ST13: variants seen among roughly 807,000 people sequenced by gnomAD.
ST13 encodes the protein ST13 Hsp70 interacting protein.
ST13 carries 23 observed loss-of-function variants against 56.7 expected under a neutral mutation model. The observed-to-expected ratio is 0.41, with a 90% CI of 0.29 to 0.57. ST13 has a LOEUF of 0.57. ST13 is among the 20% of genes least tolerant of loss of function. The pLI, the probability that ST13 is intolerant of heterozygous loss-of-function variation, is 0.36. For missense variants in ST13, 369 were observed against 459.9 expected (o/e 0.80, Z 1.81); for synonymous variants, 132 against 142.4 (o/e 0.93, Z 0.52).
intron 3 of ST13, among the ~76,000 whole-genome samples, chr22:40,845,913 T>C (rs2057828847): frequency 1.3e-5 from 2 of 152,080 alleles, no homozygotes; most frequent in Non-Finnish European, 2.9e-5. Flanking sequence ...ATGTATATGG[T>C]GTACAATGCG....
In ST13 at chr22:40,835,549, C is replaced by A; in HGVS notation, c.578+11G>T. Reference sequence around the variant, plus strand: ...AAAGAGTTCTGAAAATAATTAAATTCAATTATTTACCTGTGTGCTTTCCCC... The same window carrying A: ...AAAGAGTTCTGAAAATAATTAAATTAAATTATTTACCTGTGTGCTTTCCCC... On this transcript the variant is annotated intron_variant, in intron 7 of 11. Transcript: ENST00000216218. 6.3e-7 allele frequency: 1 copy of A among 1,577,258 alleles called. No homozygotes were observed. Among genetic ancestry groups the A allele is most frequent in the Admixed American group, 1.7e-5 (1 of 59,230 alleles).
At position 40,847,378 on chromosome 22, in the gene ST13, CA is replaced by C. The variant is rs71200623; in HGVS notation, c.244+915del. On this transcript the variant is annotated intron_variant, in intron 3 of 11. Coordinates refer to ENST00000216218, the MANE Select transcript of ST13 (RefSeq NM_003932.5). Reference sequence around the variant, plus strand: ...GCAACATGGCAAAACCCTGTCTCTACAAAAAAAAAAAAATACAAAAATTAGC... The same window carrying C: ...GCAACATGGCAAAACCCTGTCTCTACAAAAAAAAAAAATACAAAAATTAGC... Among the ~76,000 whole-genome samples the C allele has an allele frequency of 1.6e-3, 215 of 130,480 alleles. 2 individuals carry two copies. The highest frequency in any genetic ancestry group is 4.9e-3 in the South Asian group (20 of 4,064). The allele number at this position is 130,480 out of a possible 152,430, so 85.6% of individuals were successfully genotyped here.
At chr22:40,856,193 A>C (rs1239760445) in intron 1 of ST13, among the ~76,000 whole-genome samples, 1 of 152,116 alleles carries the variant, frequency 6.6e-6, no homozygotes. Flanking sequence ...ATTTCGCCCA[A>C]GATACACCCC....
At chr22:40,855,566 T>G (rs1379681549) in intron 1 of ST13, among the ~76,000 whole-genome samples, 1 of 152,190 alleles carries the variant, frequency 6.6e-6, no homozygotes, top group Non-Finnish European at 1.5e-5. Flanking sequence ...AGTTCCCCAT[T>G]AGTAATAATT....
intron 8 of ST13, chr22:40,831,993 C>G (rs951352543): frequency 6.3e-6 from 2 of 318,336 alleles, no homozygotes; most frequent in African/African-American, 2.2e-5. Context: ...GCTGGGACTA[C>G]GTAGGCGCAT....
chr22:40,835,601 A>G lies in ST13; in HGVS notation c.537T>C (p.Pro179=). ...GCCACTTGTAAGGCTGAGCTGAATC[A>G]GGATTTATTTCAATGGCTCTGTCAC... is the stretch of plus-strand genomic sequence containing the variant. ...RDCDRAIEIN[P]DSAQPYKWRG... The change falls in exon 7 of 12, where the codon CCT becomes CCC. Residue 179 remains proline, a synonymous_variant. Coordinates refer to ENST00000216218, the MANE Select transcript of ST13 (RefSeq NM_003932.5). 2 of 1,613,346 alleles carry G rather than the reference A, an allele frequency of 1.2e-6. No individual in the cohort carries two copies. The highest frequency in any genetic ancestry group is 2.2e-5 in the East Asian group (1 of 44,886).
intron 1 of ST13, among the ~76,000 whole-genome samples, chr22:40,851,147 C>T (rs1033403928): frequency 1.3e-5 from 2 of 150,452 alleles, no homozygotes; most frequent in Non-Finnish European, 2.9e-5. Flanking sequence ...CTCTGTGCCT[C>T]TTCCCAGAGG....
chr22:40,831,929 G>A (rs2057755718), intron 8 of ST13, among the ~76,000 whole-genome samples: 1 of 152,112 alleles, frequency 6.6e-6, no homozygotes, highest in African/African-American at 2.4e-5. Context: ...TTGGCTCACT[G>A]CAACCTTCCA....
chr22:40,856,407 A>T lies in ST13; in HGVS notation c.110+24T>A, dbSNP rs779275210. On this transcript the variant is annotated intron_variant, in intron 1 of 11. Transcript: ENST00000216218. ...TGGGGCCGTGCTTCCCCCGCCCCCA[A>T]CGGTCCTCAGGCCTGGGTCTCACCT... 8 of 1,598,510 alleles carry T rather than the reference A, an allele frequency of 5.0e-6. No homozygotes were observed. In the East Asian group the frequency reaches 1.8e-4, roughly 36 times the overall value.
chr22:40,851,763 TG>T (rs1450187220), intron 1 of ST13, among the ~76,000 whole-genome samples: 1 of 151,624 alleles, frequency 6.6e-6, no homozygotes, highest in Admixed American at 6.6e-5. Flanking sequence ...TTTTTTTTTT[TG>T]AGATGGAGTC....
chr22:40,854,132 T>C (rs767284372), intron 1 of ST13, among the ~76,000 whole-genome samples: 1 of 150,446 alleles, frequency 6.6e-6, no homozygotes, highest in Non-Finnish European at 1.5e-5. Flanking sequence ...GAGAAACACA[T>C]GTTTTCAACT....
chr22:40,839,993 AC>A lies in ST13; in HGVS notation c.382+632del, dbSNP rs138545342. Among the ~76,000 whole-genome samples the A allele has an allele frequency of 8.5e-3, 1,287 of 151,564 alleles. 19 individuals carry two copies. The highest frequency in any genetic ancestry group is 0.03 in the African/African-American group (1,248 of 41,348). On this transcript the variant is annotated intron_variant, in intron 5 of 11. Transcript: ENST00000216218. The stretch of plus-strand genomic sequence containing the variant: ...GTGAAACCCCTTCTCTAATAAAAAT[AC>A]AAAAAATTAGCTGGGCATGGTGGTA...
chr22:40,844,549 A>G (rs2057821290), intron 4 of ST13, among the ~76,000 whole-genome samples: 1 of 152,224 alleles, frequency 6.6e-6, no homozygotes. Context: ...GGCATTAGAT[A>G]TTCCATCAAG....
In ST13 at chr22:40,856,622, G is replaced by C. The variant is rs536153975; in HGVS notation, c.-82C>G. 1.5e-4 allele frequency: 170 copies of C among 1,121,712 alleles called. No individual in the cohort carries two copies. Among genetic ancestry groups the C allele is most frequent in the Non-Finnish European group, 1.7e-4 (130 of 745,282 alleles). The allele number at this position is 1,121,712 out of a possible 1,614,324, so 69.5% of individuals were successfully genotyped here. ...GCTGGCTCGGCGTGACCGCGCAGAA[G>C]GGGGCGGCTGCCGCAAGACAGAACA... On this transcript the variant is annotated 5_prime_UTR_variant, in exon 1 of 12. Transcript: ENST00000216218.
chr22:40,849,234 T>G (rs2057848552), intron 2 of ST13, among the ~76,000 whole-genome samples: 1 of 152,028 alleles, frequency 6.6e-6, no homozygotes, highest in African/African-American at 2.4e-5. Flanking sequence ...TTCCAGCACT[T>G]TGGGAGTCCG....
chr22:40,849,789 G>A (rs1052104207), intron 2 of ST13, among the ~76,000 whole-genome samples: 1 of 151,532 alleles, frequency 6.6e-6, no homozygotes, highest in African/African-American at 2.4e-5. Flanking sequence ...TTACCTTTTC[G>A]CATTCTCCTT....
At chr22:40,835,377 C>CTT in intron 7 of ST13, 183 bp downstream of exon 7, 7 of 432,802 alleles carry the variant, frequency 1.6e-5, no homozygotes, top group Non-Finnish European at 1.7e-5. Flanking sequence ...TTTTAAATTT[C>CTT]TTTTTTTTTT....
rs949573258 is a variant in ST13, at chr22:40,825,501, A to G, written c.*1037T>C. 2 of 152,218 alleles carry G rather than the reference A, an allele frequency of 1.3e-5. No individual in the cohort carries two copies. Among genetic ancestry groups the G allele is most frequent in the Admixed American group, 1.3e-4 (2 of 15,284 alleles). The allele number at this position is 152,218 out of a possible 1,614,324, so 9.4% of individuals were successfully genotyped here. The stretch of plus-strand genomic sequence containing the variant: ...GCCAGAATGGAAGTCTAACACTTAA[A>G]TAAGCATTCTCTTGGCCAAGTAAGA... On this transcript the variant is annotated 3_prime_UTR_variant, in exon 12 of 12. Transcript: ENST00000216218.
At position 40,850,808 on chromosome 22, in the gene ST13, G is replaced by C. The variant is rs199691452; in HGVS notation, c.168+15C>G. 34 of 1,588,718 alleles carry C rather than the reference G, an allele frequency of 2.1e-5. 1 individual carries two copies. The highest frequency in any genetic ancestry group is 3.5e-5 in the Admixed American group (2 of 56,970). On this transcript the variant is annotated intron_variant, in intron 2 of 11. Transcript: ENST00000216218. The stretch of plus-strand genomic sequence containing the variant: ...GTACTTTATCACAAAACATACAAAT[G>C]AAATTAAAACTTACCTTGGTATTTT...
Sources: allele counts gnomAD v4.1 joint callset (sites outside exome capture counted in the v4.1 genomes callset), GRCh38; gene constraint gnomAD v4.1.1; transcripts MANE v1.5; gene names NCBI Gene and HGNC (gene_info 2026-07-23, HGNC 2026-07-21).